Variants in CAMK4 observed in about 807,000 individuals in gnomAD.
CAMK4 encodes calcium/calmodulin-dependent protein kinase type IV.
In CAMK4, 22 loss-of-function variants were observed where a neutral mutation model predicts 44.9. That is an observed-to-expected ratio of 0.49 (90% CI 0.35 to 0.70). The LOEUF (loss-of-function observed/expected upper bound fraction) is 0.70, where lower values mean the gene tolerates loss of function less well. CAMK4 is among the 30% of genes least tolerant of loss of function. The pLI, the probability that CAMK4 is intolerant of heterozygous loss-of-function variation, is 0.01. For missense variants in CAMK4, 498 were observed against 586.8 expected (o/e 0.85, Z 1.56); for synonymous variants, 218 against 215.4 (o/e 1.01, Z -0.11).
intron 5 of CAMK4, among the ~76,000 whole-genome samples, chr5:111,429,102 C>G (rs1262921071): frequency 6.6e-6 from 1 of 151,726 alleles, no homozygotes; most frequent in Non-Finnish European, 1.5e-5. Flanking sequence ...CAAGAGCAAA[C>G]CAAACCTAAA....
chr5:111,389,842 G>T (rs1342698503), intron 4 of CAMK4, among the ~76,000 whole-genome samples: 4 of 152,046 alleles, frequency 2.6e-5, no homozygotes, highest in Non-Finnish European at 5.9e-5. Context: ...TAGGTACAGA[G>T]CACAGAGGAG....
intron 1 of CAMK4, among the ~76,000 whole-genome samples, chr5:111,330,468 T>G (rs1265364887): frequency 7.0e-6 from 1 of 142,596 alleles, no homozygotes; most frequent in Admixed American, 7.1e-5. Context: ...AGGATCTTTG[T>G]TTTTCTTTTT....
chr5:111,230,314 C>A (rs1310023321), intron 1 of CAMK4, among the ~76,000 whole-genome samples: 1 of 152,130 alleles, frequency 6.6e-6, no homozygotes, highest in African/African-American at 2.4e-5. Flanking sequence ...TCAGTTTCAC[C>A]TTCACTGTCA....
At chr5:111,474,594 G>A (rs374541394) in intron 8 of CAMK4, among the ~76,000 whole-genome samples, 3 of 152,032 alleles carry the variant, frequency 2.0e-5, no homozygotes, top group African/African-American at 7.2e-5. Flanking sequence ...GGGGTTGGAG[G>A]GGGGAATACA....
Position 111,484,224 on chromosome 5 carries a change from C to G in CAMK4, c.1180C>G (p.Leu394Val), listed in dbSNP as rs755042933. Residue 394 changes from leucine (L) to valine (V), a missense_variant, in exon 11 of 11, where the codon CTG becomes GTG. By Grantham distance (32) the Leu-to-Val change is conservative. Transcript: ENST00000282356. The surrounding 1 kb of genome is among the most constrained non-coding windows in gnomAD (Gnocchi z 5.3). The part of the protein sequence containing the change: ...QAAVKGAQAE[L>V]MKVQALEKVK... ...CGCAGTTAAGGGGGCACAGGCTGAG[C>G]TGATGAAGGTGCAAGCCTTAGAGAA... 41 of 1,613,880 alleles carry G rather than the reference C, an allele frequency of 2.5e-5. No homozygotes were observed. The highest frequency in any genetic ancestry group is 3.4e-5 in the Non-Finnish European group (40 of 1,179,968).
In CAMK4 at chr5:111,290,014, CA is replaced by C. The variant is rs1158958491; in HGVS notation, c.162-54009del. ...ATGGCAGGGTGTAAAGCTGTGGGGA[CA>C]GGAAATACAAATTACACACATGGAA... On this transcript the variant is annotated intron_variant, in intron 1 of 10. Transcript: ENST00000282356. The surrounding 1 kb of genome is among the most constrained non-coding windows in gnomAD (Gnocchi z 4.5). Among the ~76,000 whole-genome samples, 1 of 152,160 alleles carries C rather than the reference CA, an allele frequency of 6.6e-6. No individual in the cohort carries two copies. The highest frequency in any genetic ancestry group is 1.5e-5 in the Non-Finnish European group (1 of 68,044).
intron 1 of CAMK4, among the ~76,000 whole-genome samples, chr5:111,270,577 C>T (rs1333301271): frequency 2.0e-5 from 3 of 152,222 alleles, no homozygotes; most frequent in Non-Finnish European, 4.4e-5. Flanking sequence ...CTTCTTCAGC[C>T]TTTGGCTCCT....
In CAMK4 at chr5:111,388,313, TG is replaced by T. The variant is rs553156083; in HGVS notation, c.387-6396del. On this transcript the variant is annotated intron_variant, in intron 4 of 10. Transcript: ENST00000282356. The stretch of plus-strand genomic sequence containing the variant: ...CCTTACATAACATACATTACATCTA[TG>T]ATAATGTTTTTTGTTTGTAACTTTC... Among the ~76,000 whole-genome samples, 213 of 152,306 alleles carry T rather than the reference TG, an allele frequency of 1.4e-3. 1 individual carries two copies. The highest frequency in any genetic ancestry group is 3.4e-3 in the Middle Eastern group (1 of 294).
intron 1 of CAMK4, among the ~76,000 whole-genome samples, chr5:111,258,911 T>A (rs1197471461): frequency 1.3e-5 from 2 of 152,042 alleles, no homozygotes; most frequent in Non-Finnish European, 2.9e-5. Flanking sequence ...TCTATGTATG[T>A]CAAAGAGAAC....
At chr5:111,471,318 T>A (rs981087682) in intron 7 of CAMK4, among the ~76,000 whole-genome samples, 3 of 152,210 alleles carry the variant, frequency 2.0e-5, no homozygotes, top group Non-Finnish European at 4.4e-5. Flanking sequence ...CCTCTTCAAT[T>A]AGGCCATGAG....
intron 7 of CAMK4, among the ~76,000 whole-genome samples, chr5:111,461,008 G>A (rs918529188): frequency 2.6e-5 from 4 of 151,994 alleles, no homozygotes; most frequent in African/African-American, 7.3e-5. Flanking sequence ...TAATTCTTGC[G>A]GTAAGGAAGA....
chr5:111,472,965 T>TC (rs1755115046), intron 7 of CAMK4, among the ~76,000 whole-genome samples: 3 of 152,346 alleles, frequency 2.0e-5, no homozygotes, highest in African/African-American at 7.2e-5. Flanking sequence ...TATGCTTAAC[T>TC]TTCATTTCTT....
intron 2 of CAMK4, among the ~76,000 whole-genome samples, chr5:111,368,388 G>C (rs1431366332): frequency 2.6e-5 from 4 of 152,140 alleles, no homozygotes; most frequent in African/African-American, 4.8e-5. Flanking sequence ...CAGGAATTTG[G>C]AAAGGGAATT....
chr5:111,294,650 C>G (rs987087656), intron 1 of CAMK4, among the ~76,000 whole-genome samples: 3 of 151,542 alleles, frequency 2.0e-5, no homozygotes, highest in Non-Finnish European at 4.4e-5. Context: ...GTTCTGTATT[C>G]TGTTTCAAAT....
At chr5:111,329,779 CCATT>C (rs979733375) in intron 1 of CAMK4, among the ~76,000 whole-genome samples, 8 of 151,624 alleles carry the variant, frequency 5.3e-5, no homozygotes, top group African/African-American at 1.9e-4. Context: ...CATTCACTGT[CCATT>C]CATAATTAAA....
chr5:111,374,287 GCT>G (rs1751125390), intron 2 of CAMK4, among the ~76,000 whole-genome samples: 1 of 151,992 alleles, frequency 6.6e-6, no homozygotes, highest in Admixed American at 6.6e-5. Flanking sequence ...ATCCTCTTTT[GCT>G]CTCATAATTT....
At chr5:111,246,477 C>A (rs1261133557) in intron 1 of CAMK4, among the ~76,000 whole-genome samples, 2 of 152,186 alleles carry the variant, frequency 1.3e-5, no homozygotes, top group African/African-American at 4.8e-5. Context: ...AAGTCCAGAA[C>A]TTTTTCAGGT....
rs116492836 is a variant in CAMK4 at position 111,384,570 on chromosome 5, C to G, written c.386+7628C>G. Among the ~76,000 whole-genome samples, 700 of 152,256 alleles carry G rather than the reference C, an allele frequency of 4.6e-3. 7 individuals carry two copies. Among genetic ancestry groups the G allele is most frequent in the African/African-American group, 0.016 (671 of 41,556 alleles). ...CCTCTAAATCAAATGAACTCAGCAT[C>G]CCTCTCTCAATCTCACTCCCCTTCC... On this transcript the variant is annotated intron_variant, in intron 4 of 10. Coordinates refer to ENST00000282356, the MANE Select transcript of CAMK4 (RefSeq NM_001744.6).
intron 1 of CAMK4, among the ~76,000 whole-genome samples, chr5:111,318,189 T>C (rs534143175): frequency 1.3e-5 from 2 of 152,272 alleles, no homozygotes; most frequent in South Asian, 4.1e-4. Flanking sequence ...TGACACAAAA[T>C]GGCTTACTAA....
Sources: allele counts gnomAD v4.1 joint callset (sites outside exome capture counted in the v4.1 genomes callset), GRCh38; gene constraint gnomAD v4.1.1; non-coding constraint Gnocchi (gnomAD v3.1); transcripts MANE v1.5; gene names NCBI Gene and HGNC (gene_info 2026-07-23, HGNC 2026-07-21).